The following EFCAB13 variants were observed in gnomAD, a reference collection of about 807,000 sequenced individuals.
The protein encoded by EFCAB13 is EF-hand calcium-binding domain-containing protein 13.
In EFCAB13, 91 loss-of-function variants were observed where a neutral mutation model predicts 110.2. The ratio of observed to expected loss-of-function variants is 0.83; its 90% CI spans 0.70 to 0.98. The LOEUF (loss-of-function observed/expected upper bound fraction) is 0.98, where lower values mean the gene tolerates loss of function less well. Among genes scored for constraint, EFCAB13 ranks in the 50% least tolerant of loss-of-function variants. The pLI, the probability that EFCAB13 is intolerant of heterozygous loss-of-function variation, is 0.00. For missense variants in EFCAB13, 968 were observed against 1,119.4 expected (o/e 0.86, Z 1.93); for synonymous variants, 323 against 369.9 (o/e 0.87, Z 1.45).
rs1433070849 is a variant in EFCAB13 at position 47,326,281 on chromosome 17, T to C, written c.-192T>C. ...TCCAGCAAATTAAGACCTGCCAACTTTTTGATAATCTCGTCAATAAATTAC... is the reference window on the plus strand; with the variant it reads ...TCCAGCAAATTAAGACCTGCCAACTCTTTGATAATCTCGTCAATAAATTAC... On this transcript the variant is annotated 5_prime_UTR_variant, in exon 3 of 25. Transcript: ENST00000331493. 3 of 152,178 alleles carry C rather than the reference T, an allele frequency of 2.0e-5. No individual in the cohort carries two copies. Among genetic ancestry groups the C allele is most frequent in the Non-Finnish European group, 4.4e-5 (3 of 68,022 alleles). The allele number at this position is 152,178 out of a possible 1,614,324, so 9.4% of individuals were successfully genotyped here.
chr17:47,344,962 A>G (rs2065406900), intron 7 of EFCAB13, 54 bp from the exon 8 acceptor site: 6 of 1,330,038 alleles, frequency 4.5e-6, no homozygotes, highest in Middle Eastern at 1.9e-4. Context: ...ATATTTTAAA[A>G]TGGAATTTGC....
chr17:47,371,587 T>C (rs2065585160), intron 11 of EFCAB13, among the ~76,000 whole-genome samples: 1 of 152,168 alleles, frequency 6.6e-6, no homozygotes, highest in African/African-American at 2.4e-5. Context: ...ACTTTATTTC[T>C]GGGTTCTTTA....
intron 6 of EFCAB13, among the ~76,000 whole-genome samples, chr17:47,343,020 T>C (rs1217393456): frequency 6.6e-6 from 1 of 152,202 alleles, no homozygotes; most frequent in Non-Finnish European, 1.5e-5. Context: ...TCTATAGTTA[T>C]TTCAAGATTG....
chr17:47,344,354 A>C lies in EFCAB13; in HGVS notation c.434+62A>C, dbSNP rs1266755115. 7 of 1,545,554 alleles carry C rather than the reference A, an allele frequency of 4.5e-6. No homozygotes were observed. The African/African-American group carries it at 8.2e-5, about 18-fold the overall frequency. On this transcript the variant is annotated intron_variant, in intron 7 of 24. Transcript: ENST00000331493. The stretch of plus-strand genomic sequence containing the variant: ...GGTTCAGACTTGGGTGTTTCTCTCC[A>C]GAATCATTTATCCCTTCCACATAAA...
At chr17:47,336,735 G>C (rs1174283689) in intron 5 of EFCAB13, among the ~76,000 whole-genome samples, 2 of 151,736 alleles carry the variant, frequency 1.3e-5, no homozygotes, top group Non-Finnish European at 2.9e-5. Context: ...CACTGCACCC[G>C]ACCAAGCTAT....
At chr17:47,331,629 C>T (rs770245684) in intron 4 of EFCAB13, among the ~76,000 whole-genome samples, 5 of 152,078 alleles carry the variant, frequency 3.3e-5, no homozygotes, top group African/African-American at 7.2e-5. Flanking sequence ...TTTTGTTGTA[C>T]ATTCTATGGG....
intron 8 of EFCAB13, among the ~76,000 whole-genome samples, chr17:47,346,393 A>G (rs1411411956): frequency 6.7e-6 from 1 of 149,510 alleles, no homozygotes; most frequent in African/African-American, 2.5e-5. Flanking sequence ...TTCTTTTTAA[A>G]GGCTGATTGA....
chr17:47,358,479 A>C (rs2065493106), intron 9 of EFCAB13, among the ~76,000 whole-genome samples: 1 of 152,054 alleles, frequency 6.6e-6, no homozygotes, highest in Admixed American at 6.6e-5. Context: ...TTTTCTATGA[A>C]TTGCCTTTTC....
rs1455346928 is a variant in EFCAB13, at chr17:47,370,451, G to T, written c.820G>T (p.Asp274Tyr). The part of the protein sequence containing the change: ...HTYIDSNHMV[D>Y]IGDIIFTLNE... ...TTCTATTACAGGTAACCACATGGTG[G>T]ATATTGGGGATATTATATTTACTTT... The change falls in exon 11 of 25, where the codon GAT (aspartate) becomes TAT (tyrosine). Residue 274 changes from aspartate (D) to tyrosine (Y), a missense_variant. Coordinates refer to ENST00000331493, the MANE Select transcript of EFCAB13 (RefSeq NM_152347.5). 17 of 1,599,330 alleles carry T rather than the reference G, an allele frequency of 1.1e-5. No homozygotes were observed. Among genetic ancestry groups the T allele is most frequent in the Non-Finnish European group, 1.4e-5 (16 of 1,167,100 alleles).
chr17:47,396,983 T>C (rs1005218092), intron 17 of EFCAB13, among the ~76,000 whole-genome samples: 3 of 152,128 alleles, frequency 2.0e-5, no homozygotes, highest in Non-Finnish European at 2.9e-5. Context: ...CAACAAAGTA[T>C]TATTTTATGA....
chr17:47,382,680 A>G (rs1306584842), intron 14 of EFCAB13, among the ~76,000 whole-genome samples: 1 of 152,034 alleles, frequency 6.6e-6, no homozygotes, highest in Non-Finnish European at 1.5e-5. Flanking sequence ...GCTGGATTCA[A>G]TTTGCCAGTA....
intron 9 of EFCAB13, among the ~76,000 whole-genome samples, chr17:47,350,252 G>A (rs1341029736): frequency 6.6e-6 from 1 of 152,100 alleles, no homozygotes; most frequent in Non-Finnish European, 1.5e-5. Context: ...AGTGAATTTT[G>A]TCATAAAAGG....
At chr17:47,347,330 A>G (rs995927736) in intron 8 of EFCAB13, among the ~76,000 whole-genome samples, 1 of 152,206 alleles carries the variant, frequency 6.6e-6, no homozygotes, top group East Asian at 1.9e-4. Context: ...TTCTGAAAAT[A>G]AAGTGTAGTA....
intron 10 of EFCAB13, among the ~76,000 whole-genome samples, chr17:47,362,753 T>G (rs1006935077): frequency 1.1e-4 from 16 of 152,218 alleles, no homozygotes; most frequent in African/African-American, 3.9e-4. Context: ...GTAAGCTGTC[T>G]GTCTGTCTGT....
chr17:47,368,930 A>G (rs2065565005), intron 10 of EFCAB13, among the ~76,000 whole-genome samples: 1 of 152,204 alleles, frequency 6.6e-6, no homozygotes, highest in Admixed American at 6.5e-5. Flanking sequence ...GAAAATGGCT[A>G]TCATCTTCCA....
chr17:47,385,142 G>T (rs1204710857), intron 14 of EFCAB13, among the ~76,000 whole-genome samples: 1 of 152,150 alleles, frequency 6.6e-6, no homozygotes. Context: ...TTCTCAAGGA[G>T]TATCTTAGTG....
At chr17:47,426,587 GC>G (rs1163101443) in intron 23 of EFCAB13, among the ~76,000 whole-genome samples, 1 of 152,024 alleles carries the variant, frequency 6.6e-6, no homozygotes, top group Non-Finnish European at 1.5e-5. Context: ...ACTATAGTGA[GC>G]TTTTCAAATA....
chr17:47,396,676 CA>C (rs1021547326), intron 17 of EFCAB13, among the ~76,000 whole-genome samples: 4 of 152,258 alleles, frequency 2.6e-5, no homozygotes, highest in African/African-American at 9.6e-5. Flanking sequence ...AGCATGCTGT[CA>C]GGGGTCTTTG....
intron 17 of EFCAB13, among the ~76,000 whole-genome samples, chr17:47,396,724 C>T (rs985378862): frequency 2.6e-5 from 4 of 152,118 alleles, no homozygotes; most frequent in South Asian, 2.1e-4. Context: ...ATTTATTATC[C>T]TTTTCATCCA....
Sources: allele counts gnomAD v4.1 joint callset (sites outside exome capture counted in the v4.1 genomes callset), GRCh38; gene constraint gnomAD v4.1.1; transcripts MANE v1.5; gene names NCBI Gene and HGNC (gene_info 2026-07-23, HGNC 2026-07-21).